Variants in CAMKMT observed in about 807,000 individuals in gnomAD.
CAMKMT encodes the protein CaM KMT.
In CAMKMT, 53 loss-of-function variants were observed where a neutral mutation model predicts 48.0. The ratio of observed to expected loss-of-function variants is 1.10; its 90% confidence interval spans 0.89 to 1.39. CAMKMT has a LOEUF of 1.39. Among genes scored for constraint, CAMKMT ranks in the 40% most tolerant of loss-of-function variants. The probability of loss-of-function intolerance (pLI) is 0.00; values close to 1 mark genes in which losing one functional copy is unlikely to be tolerated. For synonymous variants in CAMKMT, 165 were observed against 152.3 expected, an observed-to-expected ratio of 1.08 and a Z score of -0.61; for missense variants, 428 against 402.7, an observed-to-expected ratio of 1.06 and a Z score of -0.54.
rs774460797 is a variant in CAMKMT, at chr2:44,753,969, G to A, written c.699-86G>A. The stretch of plus-strand genomic sequence containing the variant: ...CTTTTTTAGCGTTGGGTAAACATGT[G>A]TAATTAGCCTTGTACTTATCTCCAT... On this transcript the variant is annotated intron_variant, in intron 8 of 10. Transcript: ENST00000378494. 3.1e-4 allele frequency: 273 copies of A among 894,680 alleles called. 1 individual carries two copies. Among genetic ancestry groups the A allele is most frequent in the Non-Finnish European group, 4.4e-4 (245 of 553,630 alleles). 55.4% of individuals were successfully genotyped at this position (894,680 alleles called of 1,614,324 possible). A position where few individuals can be genotyped will look rare whatever the true frequency, so the allele number is the denominator to read the frequency against.
intron 3 of CAMKMT, among the ~76,000 whole-genome samples, chr2:44,436,651 G>T (rs575364251): frequency 6.6e-6 from 1 of 151,992 alleles, no homozygotes; most frequent in East Asian, 1.9e-4. Flanking sequence ...CTGAGGGCCA[G>T]ATTTGACCAA....
intron 3 of CAMKMT, among the ~76,000 whole-genome samples, chr2:44,437,370 A>T (rs1033285644): frequency 2.6e-5 from 4 of 152,142 alleles, no homozygotes; most frequent in African/African-American, 7.2e-5. Flanking sequence ...CCCTTTGCTT[A>T]AAGAGGCCCC....
intron 3 of CAMKMT, among the ~76,000 whole-genome samples, chr2:44,512,090 A>G (rs1171659972): frequency 6.6e-6 from 1 of 152,186 alleles, no homozygotes; most frequent in Non-Finnish European, 1.5e-5. Flanking sequence ...TACGTCAGCC[A>G]TGACACTTGT....
At chr2:44,401,845 C>T (rs1316665561) in intron 3 of CAMKMT, among the ~76,000 whole-genome samples, 1 of 152,154 alleles carries the variant, frequency 6.6e-6, no homozygotes, top group Admixed American at 6.5e-5. Context: ...CAACAAGCAT[C>T]TTGACATCTT....
chr2:44,384,398 T>G (rs535624346), intron 2 of CAMKMT, among the ~76,000 whole-genome samples: 20 of 152,258 alleles, frequency 1.3e-4, no homozygotes, highest in Non-Finnish European at 2.8e-4. Flanking sequence ...ATGTTTAGAT[T>G]GTGAAGATTT....
chr2:44,385,339 G>A (rs1680683570), intron 2 of CAMKMT, among the ~76,000 whole-genome samples: 1 of 152,132 alleles, frequency 6.6e-6, no homozygotes, highest in African/African-American at 2.4e-5. Context: ...CTTGTATTTG[G>A]AAATTTTGCT....
At chr2:44,467,667 A>G (rs1425307670) in intron 3 of CAMKMT, among the ~76,000 whole-genome samples, 3 of 152,246 alleles carry the variant, frequency 2.0e-5, no homozygotes, top group Admixed American at 6.5e-5. Flanking sequence ...TAACATGTAG[A>G]CCAATAGAAT....
Position 44,618,684 on chromosome 2 carries a change from G to A in CAMKMT, c.377-85599G>A, listed in dbSNP as rs926492355. ...GTGGATTTGAGCACTTTGGCTGTGT[G>A]TTTATGTGTAGTTGTCATGCTTAAA... On this transcript the variant is annotated intron_variant, in intron 3 of 10. Coordinates refer to ENST00000378494, the MANE Select transcript of CAMKMT (RefSeq NM_024766.5). The surrounding 1 kb of genome is among the most constrained non-coding windows in gnomAD (Gnocchi z 4.0). 2.6e-5 allele frequency among the ~76,000 whole-genome samples: 4 copies of A among 152,154 alleles called. No individual in the cohort carries two copies. The highest frequency in any genetic ancestry group is 5.9e-5 in the Non-Finnish European group (4 of 68,032).
chr2:44,626,593 C>CA (rs1164583503), intron 3 of CAMKMT, among the ~76,000 whole-genome samples: 2 of 152,158 alleles, frequency 1.3e-5, no homozygotes, highest in African/African-American at 4.8e-5. Flanking sequence ...GATGAGGGCC[C>CA]ATTCCTTCTC....
At chr2:44,756,551 C>T (rs1177011099) in intron 9 of CAMKMT, among the ~76,000 whole-genome samples, 1 of 151,920 alleles carries the variant, frequency 6.6e-6, no homozygotes, top group Non-Finnish European at 1.5e-5. Context: ...ACCATCCTGG[C>T]TAATATGGTG....
chr2:44,614,925 T>C (rs560586041), intron 3 of CAMKMT, among the ~76,000 whole-genome samples: 37 of 140,560 alleles, frequency 2.6e-4, no homozygotes, highest in African/African-American at 9.1e-4. Context: ...ACCAGCTCTT[T>C]GGTCTCCTTG....
intron 3 of CAMKMT, among the ~76,000 whole-genome samples, chr2:44,402,327 TAAAAA>T (rs61683632): frequency 8.6e-6 from 1 of 116,434 alleles, no homozygotes; most frequent in East Asian, 2.6e-4. Flanking sequence ...AGACTCTGTC[TAAAAA>T]AAAAAAAAAA....
intron 1 of CAMKMT, among the ~76,000 whole-genome samples, chr2:44,364,879 A>G (rs1401528964): frequency 6.6e-6 from 1 of 152,232 alleles, no homozygotes; most frequent in Non-Finnish European, 1.5e-5. Context: ...GCCCAACCAC[A>G]GAGACACATT....
chr2:44,668,770 C>G (rs1042100691), intron 3 of CAMKMT, among the ~76,000 whole-genome samples: 2 of 151,924 alleles, frequency 1.3e-5, no homozygotes, highest in African/African-American at 4.8e-5. Context: ...CATTTACTTG[C>G]TTTTCTTTTT....
rs1285877071 is a variant in CAMKMT, at chr2:44,738,590, T to C, written c.624-5032T>C. On this transcript the variant is annotated intron_variant, in intron 7 of 10. Coordinates refer to ENST00000378494, the MANE Select transcript of CAMKMT (RefSeq NM_024766.5). ...CCATATGGCATATTTATTGAACAGC[T>C]ATTAGGTGCTAGGGACTATTCTAGA... Among the ~76,000 whole-genome samples, 5 of 152,222 alleles carry C rather than the reference T, an allele frequency of 3.3e-5. No homozygotes were observed. In the East Asian group the frequency reaches 9.6e-4, roughly 29 times the overall value.
At chr2:44,423,822 G>A (rs1009520060) in intron 3 of CAMKMT, among the ~76,000 whole-genome samples, 1 of 152,092 alleles carries the variant, frequency 6.6e-6, no homozygotes, top group South Asian at 2.1e-4. Context: ...AACCTGTCCT[G>A]CTTCTTAGAG....
At chr2:44,472,676 C>T (rs535088508) in intron 3 of CAMKMT, among the ~76,000 whole-genome samples, 22 of 152,192 alleles carry the variant, frequency 1.4e-4, no homozygotes, top group South Asian at 4.1e-4. Context: ...GTAGAGAGGA[C>T]GGGCAGATAT....
At chr2:44,377,612 T>C (rs113191937) in intron 2 of CAMKMT, among the ~76,000 whole-genome samples, 104 of 152,266 alleles carry the variant, frequency 6.8e-4, no homozygotes, top group African/African-American at 2.2e-3. Context: ...CATTTATAAG[T>C]GTATACGTGT....
At chr2:44,742,059 A>G (rs1008291062) in intron 7 of CAMKMT, among the ~76,000 whole-genome samples, 4 of 152,024 alleles carry the variant, frequency 2.6e-5, no homozygotes, top group Admixed American at 1.3e-4. Flanking sequence ...ACTTTAAACC[A>G]TCTTGCTCAT....
Sources: allele counts gnomAD v4.1 joint callset (sites outside exome capture counted in the v4.1 genomes callset), GRCh38; gene constraint gnomAD v4.1.1; non-coding constraint Gnocchi (gnomAD v3.1); transcripts MANE v1.5; gene names NCBI Gene and HGNC (gene_info 2026-07-23, HGNC 2026-07-21).